The following NUP58 variants were observed in gnomAD, a reference collection of about 807,000 sequenced individuals.
The protein encoded by NUP58 is nucleoporin 58.
Under a neutral mutation model 70.1 loss-of-function variants are expected in NUP58, and 17 were observed. The ratio of observed to expected loss-of-function variants is 0.24; its 90% confidence interval spans 0.17 to 0.36. The LOEUF (loss-of-function observed/expected upper bound fraction) is 0.36, where lower values mean the gene tolerates loss of function less well. Ranked by LOEUF, NUP58 falls within the 10% of genes least tolerant of loss-of-function variation. NUP58 has a pLI of 1.00. For synonymous variants in NUP58, 275 were observed against 257.6 expected, an observed-to-expected ratio of 1.07 and a Z score of -0.65; for missense variants, 644 against 701.5, an observed-to-expected ratio of 0.92 and a Z score of 0.93.
intron 15 of NUP58, 149 bp downstream of exon 15, chr13:25,338,880 C>T: frequency 1.9e-6 from 1 of 526,530 alleles, no homozygotes; most frequent in Non-Finnish European, 3.4e-6. Flanking sequence ...CCTAACTAAT[C>T]ATTTTACTTT....
downstream of NUP58, among the ~76,000 whole-genome samples, chr13:25,343,649 A>G (rs2032007482): frequency 6.6e-6 from 1 of 151,228 alleles, no homozygotes; most frequent in South Asian, 2.1e-4. Context: ...GTAGAGATGT[A>G]TTTTACCATG....
chr13:25,326,910 T>G lies in NUP58; in HGVS notation c.1032-6T>G. 1 of 1,520,562 alleles carries G rather than the reference T, an allele frequency of 6.6e-7. No individual in the cohort carries two copies. The highest frequency in any genetic ancestry group is 9.0e-7 in the Non-Finnish European group (1 of 1,116,194). 94.2% of individuals were successfully genotyped at this position (1,520,562 alleles called of 1,614,324 possible). ...TTTGATCTGACTTTTTAAATGTTTT[T>G]TAAAGCTACTTCAGAATCTTGGTTC... On this transcript the variant is annotated splice_polypyrimidine_tract_variant and splice_region_variant and intron_variant, in intron 10 of 15. Coordinates refer to ENST00000381736, the MANE Select transcript of NUP58 (RefSeq NM_014089.4).
At chr13:25,332,873 A>G in intron 13 of NUP58, 4 of 985,470 alleles carry the variant, frequency 4.1e-6, no homozygotes, top group Non-Finnish European at 4.8e-6. Context: ...CAATCCCATA[A>G]TTATGACCAT....
chr13:25,345,816 G>A (rs547682970), downstream of NUP58, among the ~76,000 whole-genome samples: 5 of 152,270 alleles, frequency 3.3e-5, no homozygotes, highest in East Asian at 7.7e-4. Flanking sequence ...ATGAGAGGCC[G>A]CAACATACAT....
chr13:25,332,985 TAA>T, intron 13 of NUP58: 2 of 984,888 alleles, frequency 2.0e-6, no homozygotes, highest in South Asian at 9.4e-5. Flanking sequence ...TAGATTTGGT[TAA>T]GTGTTCTTTA....
At chr13:25,305,740 A>G (rs1411148134) in intron 1 of NUP58, among the ~76,000 whole-genome samples, 1 of 152,100 alleles carries the variant, frequency 6.6e-6, no homozygotes, top group Non-Finnish European at 1.5e-5. Context: ...TAGTAATTCT[A>G]AACTTACTGA....
downstream of NUP58, among the ~76,000 whole-genome samples, chr13:25,344,341 A>C (rs2137853356): frequency 6.6e-6 from 1 of 152,322 alleles, no homozygotes. Flanking sequence ...TATCCTCTAG[A>C]AAATAAGGAT....
chr13:25,320,684 C>T, intron 8 of NUP58, 89 bp downstream of exon 8: 2 of 952,998 alleles, frequency 2.1e-6, no homozygotes, highest in South Asian at 1.6e-5. Flanking sequence ...AAAATCGCAT[C>T]CTAGAGGAGC....
chr13:25,323,920 A>G (rs1034961886), intron 9 of NUP58, among the ~76,000 whole-genome samples: 2 of 152,162 alleles, frequency 1.3e-5, no homozygotes, highest in Admixed American at 1.3e-4. Flanking sequence ...ATCCAGGTAC[A>G]AGGGTTTTGT....
downstream of NUP58, among the ~76,000 whole-genome samples, chr13:25,346,285 C>T (rs1210845120): frequency 6.6e-6 from 1 of 152,094 alleles, no homozygotes; most frequent in African/African-American, 2.4e-5. Flanking sequence ...GGTGAGAAAA[C>T]AGGCACAGTT....
At chr13:25,326,421 A>G (rs1195684595) in intron 10 of NUP58, among the ~76,000 whole-genome samples, 1 of 151,938 alleles carries the variant, frequency 6.6e-6, no homozygotes, top group African/African-American at 2.4e-5. Flanking sequence ...TCTGTAGTAT[A>G]CTATGGTGTT....
Position 25,342,138 on chromosome 13 carries a change from G to GA in NUP58, c.*2008dup, listed in dbSNP as rs1184658283. On this transcript the variant is annotated 3_prime_UTR_variant, in exon 16 of 16. Coordinates refer to ENST00000381736, the MANE Select transcript of NUP58 (RefSeq NM_014089.4). Reference sequence around the variant, plus strand: ...CAGATCCAGAACATGGGAAGTTAGGGAAAATGTGTGATTTTGTGTTTTGAA... The same window carrying GA: ...CAGATCCAGAACATGGGAAGTTAGGGAAAAATGTGTGATTTTGTGTTTTGAA... The GA allele has an allele frequency of 6.6e-6, 1 of 152,518 alleles. No individual in the cohort carries two copies. The highest frequency in any genetic ancestry group is 1.9e-4 in the East Asian group (1 of 5,198). The allele number at this position is 152,518 out of a possible 1,614,324, so 9.4% of individuals were successfully genotyped here.
At chr13:25,347,897 G>T (rs1041103234) in intron 3 of NUP58, among the ~76,000 whole-genome samples, 5 of 151,674 alleles carry the variant, frequency 3.3e-5, no homozygotes, top group Non-Finnish European at 5.9e-5. Context: ...TTCTGGTGTC[G>T]AGAATTTCTA....
chr13:25,310,807 A>G (rs1435715439), intron 3 of NUP58, among the ~76,000 whole-genome samples: 1 of 152,182 alleles, frequency 6.6e-6, no homozygotes, highest in Non-Finnish European at 1.5e-5. Context: ...CATGCAGGTC[A>G]TTCATACATT....
At chr13:25,321,282 TC>T (rs781439875) in intron 9 of NUP58, among the ~76,000 whole-genome samples, 189 bp downstream of exon 9, 2 of 152,172 alleles carry the variant, frequency 1.3e-5, no homozygotes, top group African/African-American at 2.4e-5. Flanking sequence ...CAAGACAGTA[TC>T]CTAAGCAATT....
At chr13:25,335,501 T>G in intron 13 of NUP58, 1 of 985,208 alleles carries the variant, frequency 1.0e-6, no homozygotes, top group Non-Finnish European at 1.2e-6. Flanking sequence ...TGGTTTCTTT[T>G]TCCTATAGTA....
intron 7 of NUP58, among the ~76,000 whole-genome samples, chr13:25,319,824 A>T (rs1369520733): frequency 6.6e-6 from 1 of 152,110 alleles, no homozygotes; most frequent in Non-Finnish European, 1.5e-5. Context: ...CATGATTTGT[A>T]CTATATTAAA....
At chr13:25,337,195 G>C (rs2031817355) in intron 14 of NUP58, among the ~76,000 whole-genome samples, 161 bp downstream of exon 14, 1 of 152,046 alleles carries the variant, frequency 6.6e-6, no homozygotes, top group Non-Finnish European at 1.5e-5. Context: ...TCTAATATTA[G>C]ATTTAGAACT....
At chr13:25,329,788 A>G (rs1017739693) in intron 12 of NUP58, among the ~76,000 whole-genome samples, 1 of 152,112 alleles carries the variant, frequency 6.6e-6, no homozygotes, top group African/African-American at 2.4e-5. Flanking sequence ...TTTATAAATC[A>G]TGGCTGATGT....
Sources: allele counts gnomAD v4.1 joint callset (sites outside exome capture counted in the v4.1 genomes callset), GRCh38; gene constraint gnomAD v4.1.1; transcripts MANE v1.5; gene names NCBI Gene and HGNC (gene_info 2026-07-23, HGNC 2026-07-21).